The following C12orf42 variants were observed in gnomAD, a reference collection of about 807,000 sequenced individuals.
The protein encoded by C12orf42 is uncharacterized protein C12orf42.
Under a neutral mutation model 21.6 loss-of-function variants are expected in C12orf42, and 25 were observed. The observed-to-expected ratio is 1.16, with a 90% CI of 0.84 to 1.62. The LOEUF (loss-of-function observed/expected upper bound fraction) is 1.62, where lower values mean the gene tolerates loss of function less well. Ranked by LOEUF, C12orf42 falls within the 40% of genes most tolerant of loss-of-function variation. The pLI is 0.00. For missense variants in C12orf42, 483 were observed against 459.3 expected, an observed-to-expected ratio of 1.05 and a Z score of -0.47; for synonymous variants, 174 against 175.0, an observed-to-expected ratio of 0.99 and a Z score of 0.05.
At chr12:103,360,429 C>T (rs1342408401) in intron 4 of C12orf42, among the ~76,000 whole-genome samples, 1 of 151,932 alleles carries the variant, frequency 6.6e-6, no homozygotes, top group Non-Finnish European at 1.5e-5. Flanking sequence ...CCATCAGTGC[C>T]TCCTCAATCC....
At chr12:103,368,020 T>C (rs751311519) in intron 4 of C12orf42, 3 of 1,243,122 alleles carry the variant, frequency 2.4e-6, no homozygotes, top group African/African-American at 1.5e-5. Context: ...ACCTGCTTTA[T>C]CAGTTGTCCT....
At chr12:103,490,596 T>C (rs1458227841) in intron 1 of C12orf42, among the ~76,000 whole-genome samples, 1 of 152,088 alleles carries the variant, frequency 6.6e-6, no homozygotes, top group Non-Finnish European at 1.5e-5. Context: ...CTGTTTTACA[T>C]CTTATTTAAT....
the C12orf42 span, among the ~76,000 whole-genome samples, chr12:103,117,404 A>G: frequency 6.6e-6 from 1 of 152,220 alleles, no homozygotes; most frequent in Admixed American, 6.5e-5. Context: ...TTTTGCCATG[A>G]GAATTCCAAA....
At chr12:103,551,272 C>A in the C12orf42 span, among the ~76,000 whole-genome samples, 1 of 152,152 alleles carries the variant, frequency 6.6e-6, no homozygotes, top group African/African-American at 2.4e-5. Context: ...TATTTTATAT[C>A]TAAGCAGGCA....
chr12:103,153,060 C>A, the C12orf42 span, among the ~76,000 whole-genome samples: 462 of 152,298 alleles, frequency 3.0e-3, no homozygotes, highest in Middle Eastern at 0.024. Flanking sequence ...TGTCACACAT[C>A]AGCTAGGTAG....
intron 3 of C12orf42, among the ~76,000 whole-genome samples, chr12:103,399,257 C>T (rs971555394): frequency 7.3e-5 from 11 of 151,630 alleles, no homozygotes; most frequent in South Asian, 4.2e-4. Context: ...CTTTGAACCC[C>T]GAGGACATTT....
At chr12:103,343,057 G>A (rs887665069) in intron 4 of C12orf42, among the ~76,000 whole-genome samples, 12 of 152,172 alleles carry the variant, frequency 7.9e-5, no homozygotes, top group South Asian at 4.2e-4. Flanking sequence ...GGAATAATTC[G>A]TTTTCAAAAT....
At chr12:103,319,101 T>C in intron 4 of C12orf42, among the ~76,000 whole-genome samples, 1 of 152,216 alleles carries the variant, frequency 6.6e-6, no homozygotes, top group East Asian at 1.9e-4. Context: ...CTGACTCTTT[T>C]TAAACATGAT....
the C12orf42 span, among the ~76,000 whole-genome samples, chr12:103,149,302 A>C: frequency 4.5e-3 from 680 of 152,336 alleles, 5 homozygotes; most frequent in African/African-American, 0.016. Flanking sequence ...ACATTGTATG[A>C]TAAAGGTTGC....
At chr12:103,200,542 T>C in the C12orf42 span, among the ~76,000 whole-genome samples, 2 of 152,218 alleles carry the variant, frequency 1.3e-5, no homozygotes, top group Non-Finnish European at 2.9e-5. Context: ...ATGGATAGTT[T>C]AATGGCATAG....
intron 10 of C12orf42, chr12:103,262,172 G>C (rs532170869): frequency 6.6e-6 from 1 of 152,306 alleles, no homozygotes; most frequent in Non-Finnish European, 1.5e-5. Context: ...CAAGATCACA[G>C]TCAAGAAACT....
At chr12:103,164,880 T>C in the C12orf42 span, 4 of 301,812 alleles carry the variant, frequency 1.3e-5, no homozygotes, top group African/African-American at 8.7e-5. Context: ...ATTAGGATAT[T>C]AGGATAAAAT....
chr12:103,283,773 T>A (rs531926641), intron 4 of C12orf42, among the ~76,000 whole-genome samples: 8 of 152,198 alleles, frequency 5.3e-5, no homozygotes, highest in Non-Finnish European at 1.2e-4. Flanking sequence ...ACCAATTTGT[T>A]CCTAGTGCCA....
At chr12:103,549,728 A>AT in the C12orf42 span, 1 of 152,170 alleles carries the variant, frequency 6.6e-6, no homozygotes, top group Admixed American at 6.6e-5. Context: ...AATGGCAGTC[A>AT]TTTTTTTAAA....
chr12:103,123,562 G>T, the C12orf42 span, among the ~76,000 whole-genome samples: 2 of 152,132 alleles, frequency 1.3e-5, no homozygotes, highest in South Asian at 4.1e-4. Flanking sequence ...AAGAAAGAAA[G>T]ATAGCCTATG....
chr12:103,307,606 T>C (rs1247304586), intron 4 of C12orf42, among the ~76,000 whole-genome samples: 1 of 152,184 alleles, frequency 6.6e-6, no homozygotes, highest in Non-Finnish European at 1.5e-5. Flanking sequence ...GAGATGGAGA[T>C]AAGACAGTTT....
intron 2 of C12orf42, among the ~76,000 whole-genome samples, chr12:103,463,716 C>A (rs1490517755): frequency 6.6e-6 from 1 of 152,168 alleles, no homozygotes; most frequent in African/African-American, 2.4e-5. Context: ...AGCCCACATG[C>A]ATTAACTATT....
At chr12:103,067,668 C>T in the C12orf42 span, among the ~76,000 whole-genome samples, 6 of 152,168 alleles carry the variant, frequency 3.9e-5, no homozygotes, top group Admixed American at 3.9e-4. Context: ...GCATTAAGTT[C>T]CTGTTCCCTC....
chr12:103,442,373 C>T (rs948291641), intron 2 of C12orf42, among the ~76,000 whole-genome samples: 2 of 152,158 alleles, frequency 1.3e-5, no homozygotes, highest in Admixed American at 6.5e-5. Context: ...ATGACGTTTG[C>T]ATGCACTGGA....
Sources: gnomAD v4.1 joint callset for allele counts (sites outside exome capture counted in the v4.1 genomes callset) on GRCh38, gnomAD v4.1.1 for gene constraint, MANE v1.5 for transcripts, NCBI Gene and HGNC (gene_info 2026-07-23, HGNC 2026-07-21) for gene names.